CPA6: variants seen among roughly 807,000 people sequenced by gnomAD.
The protein encoded by CPA6 is carboxypeptidase B.
In CPA6, 58 loss-of-function variants were observed where a neutral mutation model predicts 63.3. That is an observed-to-expected ratio of 0.92 (90% CI 0.74 to 1.14). CPA6 has a LOEUF of 1.14. Ranked by LOEUF, CPA6 falls within the 50% of genes most tolerant of loss-of-function variation. CPA6 has a pLI of 0.00. For missense variants in CPA6, 565 were observed against 526.6 expected, an observed-to-expected ratio of 1.07 and a Z score of -0.71; for synonymous variants, 185 against 179.0, an observed-to-expected ratio of 1.03 and a Z score of -0.27.
chr8:67,684,009 A>ATG (rs1296080967), intron 1 of CPA6, among the ~76,000 whole-genome samples: 1 of 118,528 alleles, frequency 8.4e-6, no homozygotes, highest in Non-Finnish European at 1.6e-5. Flanking sequence ...ATGTATATAT[A>ATG]TATATATATA....
intron 1 of CPA6, among the ~76,000 whole-genome samples, chr8:67,718,285 A>T (rs570727455): frequency 1.2e-3 from 188 of 151,464 alleles, no homozygotes; most frequent in African/African-American, 4.3e-3. Context: ...ATTGTGAGGT[A>T]TTTTTTTTTA....
At chr8:67,734,637 C>T (rs746573304) in intron 1 of CPA6, among the ~76,000 whole-genome samples, 10 of 152,148 alleles carry the variant, frequency 6.6e-5, no homozygotes, top group Admixed American at 1.3e-4. Flanking sequence ...CTAACTGCTG[C>T]AAATACTTTG....
rs1812876182 is a variant in CPA6 at position 67,548,650 on chromosome 8, T to C, written c.193-30603A>G. On this transcript the variant is annotated intron_variant, in intron 2 of 10. Coordinates refer to ENST00000297770, the MANE Select transcript of CPA6 (RefSeq NM_020361.5). ...AAAATTATATCCAGAATATGAGTTT[T>C]TAATGTAAGAAAAATGTTCTATAGG... Among the ~76,000 whole-genome samples, 4 of 152,342 alleles carry C rather than the reference T, an allele frequency of 2.6e-5. No homozygotes were observed. The South Asian group carries it at 8.3e-4, about 32-fold the overall frequency.
chr8:67,537,816 G>T (rs538928661), intron 2 of CPA6, among the ~76,000 whole-genome samples: 1 of 152,154 alleles, frequency 6.6e-6, no homozygotes, highest in Non-Finnish European at 1.5e-5. Context: ...TTTCTCTTAT[G>T]GACATTAGTG....
intron 1 of CPA6, among the ~76,000 whole-genome samples, chr8:67,697,661 A>G (rs1198705229): frequency 1.3e-5 from 2 of 152,218 alleles, no homozygotes; most frequent in Non-Finnish European, 2.9e-5. Context: ...CTTGTAAAAA[A>G]TGTTTTTTAC....
At chr8:67,447,730 G>A (rs1810462273) in intron 8 of CPA6, among the ~76,000 whole-genome samples, 1 of 152,116 alleles carries the variant, frequency 6.6e-6, no homozygotes, top group African/African-American at 2.4e-5. Flanking sequence ...CTCTACAAGT[G>A]TATCACCTTT....
At chr8:67,517,864 T>C in intron 3 of CPA6, 59 bp downstream of exon 3, 2 of 1,483,038 alleles carry the variant, frequency 1.3e-6, no homozygotes, top group Non-Finnish European at 1.8e-6. Context: ...TAAATACAAC[T>C]ACCATTTGGT....
intron 2 of CPA6, among the ~76,000 whole-genome samples, chr8:67,603,198 C>T (rs979886832): frequency 1.3e-5 from 2 of 152,096 alleles, no homozygotes; most frequent in African/African-American, 4.8e-5. Flanking sequence ...GAATTATATT[C>T]TTGAAATGTT....
At chr8:67,728,083 A>C (rs1205025452) in intron 1 of CPA6, among the ~76,000 whole-genome samples, 1 of 151,122 alleles carries the variant, frequency 6.6e-6, no homozygotes, top group Non-Finnish European at 1.5e-5. Flanking sequence ...GTCTCAAAAA[A>C]AAAAAAAACA....
intron 9 of CPA6, among the ~76,000 whole-genome samples, chr8:67,433,207 T>C (rs1810067184): frequency 6.6e-6 from 1 of 152,192 alleles, no homozygotes; most frequent in Non-Finnish European, 1.5e-5. Flanking sequence ...GGTCAAGGAA[T>C]AGAACTTCAG....
At chr8:67,454,362 A>G (rs1001325386) in intron 8 of CPA6, among the ~76,000 whole-genome samples, 1 of 152,212 alleles carries the variant, frequency 6.6e-6, no homozygotes, top group Non-Finnish European at 1.5e-5. Flanking sequence ...TTATTTTAAG[A>G]GTCCTGTCCA....
intron 8 of CPA6, among the ~76,000 whole-genome samples, chr8:67,454,954 A>C (rs892541385): frequency 1.3e-5 from 2 of 152,190 alleles, no homozygotes; most frequent in Non-Finnish European, 2.9e-5. Context: ...AGCATGGAGC[A>C]CAGAGGAGGG....
rs551847131 is a variant in CPA6 at position 67,519,914 on chromosome 8, T to C, written c.193-1867A>G. ...ATCCCTTCTATTGCAGCATAGTTTCTTTTTCTATTTTTTTATTTATTTTTA... is the reference window on the plus strand; with the variant it reads ...ATCCCTTCTATTGCAGCATAGTTTCCTTTTCTATTTTTTTATTTATTTTTA... On this transcript the variant is annotated intron_variant, in intron 2 of 10. Coordinates refer to ENST00000297770, the MANE Select transcript of CPA6 (RefSeq NM_020361.5). 2.6e-5 allele frequency among the ~76,000 whole-genome samples: 4 copies of C among 152,244 alleles called. No homozygotes were observed. The South Asian group carries it at 8.3e-4, about 32-fold the overall frequency.
intron 1 of CPA6, among the ~76,000 whole-genome samples, chr8:67,637,030 C>T (rs1319802569): frequency 6.6e-6 from 1 of 151,654 alleles, no homozygotes; most frequent in African/African-American, 2.4e-5. Context: ...AAGAATCTCC[C>T]TGTGGCAGTT....
Position 67,483,770 on chromosome 8 carries a change from C to G in CPA6, c.836G>C (p.Cys279Ser). ...DANRNWKVKW[C>S]DEGASMHPCD... ...ATCCCAGTTGGTCCCAAACTTACCA[C>G]ACCACTTCACTTTCCAGTTTCTATT... Residue 279 changes from cysteine (C) to serine (S), a missense_variant and splice_region_variant, in exon 8 of 11, where the codon TGT becomes TCT. Cys to Ser is a moderately radical substitution (Grantham distance 112). Transcript: ENST00000297770. The G allele has an allele frequency of 6.2e-7, 1 of 1,613,816 alleles. No homozygotes were observed. The highest frequency in any genetic ancestry group is 8.5e-7 in the Non-Finnish European group (1 of 1,179,686).
intron 1 of CPA6, among the ~76,000 whole-genome samples, chr8:67,689,679 T>G (rs187631593): frequency 1.8e-4 from 28 of 152,360 alleles, no homozygotes; most frequent in African/African-American, 6.3e-4. Flanking sequence ...CCACTGTTAC[T>G]GGGCACCAAG....
chr8:67,566,695 C>T (rs1813344806), intron 2 of CPA6, among the ~76,000 whole-genome samples: 1 of 152,222 alleles, frequency 6.6e-6, no homozygotes, highest in South Asian at 2.1e-4. Context: ...GCTGCACCCT[C>T]ACCACCAAAC....
intron 9 of CPA6, 82 bp from the exon 10 acceptor site, chr8:67,428,213 A>G (rs1431632275): frequency 2.7e-6 from 2 of 746,642 alleles, no homozygotes; most frequent in African/African-American, 1.7e-5. Flanking sequence ...AGCCTCATCG[A>G]TCATCACCAG....
intron 1 of CPA6, among the ~76,000 whole-genome samples, chr8:67,701,017 T>C (rs1164688334): frequency 1.3e-5 from 2 of 152,130 alleles, no homozygotes; most frequent in African/African-American, 4.8e-5. Context: ...ACATAATATA[T>C]AATTACTACA....
Sources: gnomAD v4.1 joint callset for allele counts (sites outside exome capture counted in the v4.1 genomes callset) on GRCh38, gnomAD v4.1.1 for gene constraint, MANE v1.5 for transcripts, NCBI Gene and HGNC (gene_info 2026-07-23, HGNC 2026-07-21) for gene names.